TIAM1: variants seen among roughly 807,000 people sequenced by gnomAD.
TIAM1 encodes the protein rho guanine nucleotide exchange factor TIAM1.
Under a neutral mutation model 163.5 loss-of-function variants are expected in TIAM1, and 65 were observed. The ratio of observed to expected loss-of-function variants is 0.40; its 90% CI spans 0.33 to 0.49. The LOEUF is 0.49. Ranked by LOEUF, TIAM1 falls within the 20% of genes least tolerant of loss-of-function variation. TIAM1 has a pLI of 0.77. For missense variants in TIAM1, 1,789 were observed against 2,044.7 expected, an observed-to-expected ratio of 0.87 and a Z score of 2.41; for synonymous variants, 833 against 810.1, an observed-to-expected ratio of 1.03 and a Z score of -0.48.
intron 13 of TIAM1, 64 bp from the exon 14 acceptor site, chr21:31,187,151 G>C: frequency 6.8e-7 from 1 of 1,462,584 alleles, no homozygotes; most frequent in South Asian, 1.1e-5. Context: ...CAAACAACAG[G>C]AAGTGCCTGC....
intron 2 of TIAM1, among the ~76,000 whole-genome samples, chr21:31,352,480 C>T (rs1425479114): frequency 6.7e-6 from 1 of 150,018 alleles, no homozygotes; most frequent in Non-Finnish European, 1.5e-5. Flanking sequence ...TATATCTTAC[C>T]ACAACTTTTA....
chr21:31,303,445 T>C (rs530034559), intron 2 of TIAM1, among the ~76,000 whole-genome samples: 10 of 152,340 alleles, frequency 6.6e-5, no homozygotes, highest in Non-Finnish European at 8.8e-5. Flanking sequence ...GTGTGGCTGA[T>C]TGAGTTCCAG....
At position 31,210,744 on chromosome 21, in the gene TIAM1, A is replaced by G. The variant is rs201633503; in HGVS notation, c.2218-529T>C. ...AAGAAAGAAAGAGAAAGAAGGAAGG[A>G]AGGGAGAAAGAAAGAAAGAAAGAAA... On this transcript the variant is annotated intron_variant, in intron 10 of 27. Coordinates refer to ENST00000541036, the MANE Select transcript of TIAM1 (RefSeq NM_001353694.2). 5.0e-3 allele frequency among the ~76,000 whole-genome samples: 501 copies of G among 100,138 alleles called. 13 individuals are homozygous for G. Among genetic ancestry groups the G allele is most frequent in the Admixed American group, 0.022 (189 of 8,476 alleles). The allele number at this position is 100,138 out of a possible 152,430, so 65.7% of individuals were successfully genotyped here. A position where few individuals can be genotyped will look rare whatever the true frequency, so the allele number is the denominator to read the frequency against.
At chr21:31,129,373 C>G (rs1028422142) in intron 25 of TIAM1, among the ~76,000 whole-genome samples, 6 of 152,194 alleles carry the variant, frequency 3.9e-5, no homozygotes, top group Admixed American at 3.9e-4. Flanking sequence ...CTATGTGGAT[C>G]ACAGAAAAAG....
intron 1 of TIAM1, among the ~76,000 whole-genome samples, chr21:31,515,848 C>G (rs985019822): frequency 6.6e-6 from 1 of 152,168 alleles, no homozygotes; most frequent in Non-Finnish European, 1.5e-5. Flanking sequence ...TGGCTCACAC[C>G]TGTAATCCCA....
chr21:31,525,241 C>T (rs920137090), intron 1 of TIAM1, among the ~76,000 whole-genome samples: 1 of 151,738 alleles, frequency 6.6e-6, no homozygotes, highest in African/African-American at 2.4e-5. Context: ...TGGTGGCGCA[C>T]ACCTGTAATC....
chr21:31,300,093 G>C (rs987032103), intron 2 of TIAM1, among the ~76,000 whole-genome samples: 2 of 152,162 alleles, frequency 1.3e-5, no homozygotes. Context: ...GAATGGGTTA[G>C]TACCAGCCCC....
intron 2 of TIAM1, among the ~76,000 whole-genome samples, chr21:31,309,479 T>TA (rs1333741230): frequency 2.6e-5 from 4 of 151,676 alleles, no homozygotes; most frequent in African/African-American, 9.7e-5. Context: ...AATAAATGAA[T>TA]AAAAAAATAA....
rs201052414 is a variant in TIAM1, at chr21:31,550,289, T to C, written c.-422+8638A>G. Among the ~76,000 whole-genome samples, 3 of 152,322 alleles carry C rather than the reference T, an allele frequency of 2.0e-5. No individual in the cohort carries two copies. In the East Asian group the frequency reaches 5.8e-4, roughly 29 times the overall value. On this transcript the variant is annotated intron_variant, in intron 1 of 28. Coordinates refer to the TIAM1 transcript ENST00000286827. ...AATGTAGTATACCCATACAATGGAATATTATTCAGCCAGAAAAAGGAGTAA... is the reference window on the plus strand; with the variant it reads ...AATGTAGTATACCCATACAATGGAACATTATTCAGCCAGAAAAAGGAGTAA...
chr21:31,489,487 A>AAGAGAG lies in TIAM1; in HGVS notation c.-421-25458_-421-25453dup, dbSNP rs374028144. On this transcript the variant is annotated intron_variant, in intron 1 of 28. Transcript: ENST00000286827. ...AAGAAAGTGAGAAGGAGATGAAAGA[A>AAGAGAG]AGAGAGAGAGGGAGGGAGACAGGGA... is the stretch of plus-strand genomic sequence containing the variant. Among the ~76,000 whole-genome samples, 674 of 126,636 alleles carry AAGAGAG rather than the reference A, an allele frequency of 5.3e-3. 21 individuals are homozygous for AAGAGAG. The highest frequency in any genetic ancestry group is 0.046 in the Admixed American group (559 of 12,102). The allele number at this position is 126,636 out of a possible 152,430, so 83.1% of individuals were successfully genotyped here. A position where few individuals can be genotyped will look rare whatever the true frequency, so the allele number is the denominator to read the frequency against.
chr21:31,553,640 C>G (rs1306583069), intron 1 of TIAM1, among the ~76,000 whole-genome samples: 1 of 152,028 alleles, frequency 6.6e-6, no homozygotes, highest in African/African-American at 2.4e-5. Context: ...AGATCTTGCC[C>G]CAGGATCTGA....
chr21:31,452,119 T>C (rs1339015380), intron 2 of TIAM1, among the ~76,000 whole-genome samples: 1 of 152,168 alleles, frequency 6.6e-6, no homozygotes, highest in Non-Finnish European at 1.5e-5. Context: ...TCCCCTTGAA[T>C]GTGGGCAGGA....
chr21:31,429,947 G>T (rs527758352), intron 2 of TIAM1, among the ~76,000 whole-genome samples: 1 of 152,122 alleles, frequency 6.6e-6, no homozygotes, highest in Admixed American at 6.5e-5. Context: ...GGTGGCACAC[G>T]CCTGTCCTAG....
chr21:31,466,431 T>C (rs1034514315), intron 1 of TIAM1, among the ~76,000 whole-genome samples: 1 of 151,364 alleles, frequency 6.6e-6, no homozygotes, highest in Non-Finnish European at 1.5e-5. Context: ...TAAACTCATC[T>C]AGCAGCTCTC....
chr21:31,374,258 A>G (rs2076648194), intron 2 of TIAM1, among the ~76,000 whole-genome samples: 4 of 152,150 alleles, frequency 2.6e-5, no homozygotes. Flanking sequence ...CATAAAACAG[A>G]TACTGGGTGC....
chr21:31,510,950 A>G (rs1245612118), intron 1 of TIAM1, among the ~76,000 whole-genome samples: 1 of 152,258 alleles, frequency 6.6e-6, no homozygotes, highest in East Asian at 1.9e-4. Flanking sequence ...AAGAAAAAAG[A>G]CACAAAGATA....
At chr21:31,359,845 GAA>G (rs1491477402) in intron 2 of TIAM1, among the ~76,000 whole-genome samples, 1,685 of 136,464 alleles carry the variant, frequency 0.012, 37 homozygotes, top group Middle Eastern at 0.029. Flanking sequence ...AGGAAGGAAG[GAA>G]GGAAGGAAGG....
intron 2 of TIAM1, among the ~76,000 whole-genome samples, chr21:31,295,381 A>G (rs968764178): frequency 1.3e-5 from 2 of 148,752 alleles, no homozygotes; most frequent in Admixed American, 1.4e-4. Context: ...GAGGCAGGAG[A>G]ATGGCGTGAA....
chr21:31,271,601 C>T (rs1218655296), intron 3 of TIAM1, among the ~76,000 whole-genome samples: 10 of 152,186 alleles, frequency 6.6e-5, no homozygotes. Context: ...AGGGCTTGCA[C>T]CTGTCTAATT....
Sources: allele counts gnomAD v4.1 joint callset (sites outside exome capture counted in the v4.1 genomes callset), GRCh38; gene constraint gnomAD v4.1.1; transcripts MANE v1.5; gene names NCBI Gene and HGNC (gene_info 2026-07-23, HGNC 2026-07-21).